ATG5: variants seen among roughly 807,000 people sequenced by gnomAD.
ATG5 encodes the protein autophagy protein 5.
In ATG5, 14 loss-of-function variants were observed where a neutral mutation model predicts 36.5. That is an observed-to-expected ratio of 0.38 (90% confidence interval 0.25 to 0.60). ATG5 has a LOEUF of 0.60. Ranked by LOEUF, ATG5 falls within the 20% of genes least tolerant of loss-of-function variation. The probability of loss-of-function intolerance (pLI) is 0.60; values close to 1 mark genes in which losing one functional copy is unlikely to be tolerated. For synonymous variants in ATG5, 95 were observed against 101.5 expected, an observed-to-expected ratio of 0.94 and a Z score of 0.38; for missense variants, 195 against 326.7, an observed-to-expected ratio of 0.60 and a Z score of 3.11.
At chr6:106,281,479 T>G (rs1779875990) in intron 4 of ATG5, among the ~76,000 whole-genome samples, 1 of 152,214 alleles carries the variant, frequency 6.6e-6, no homozygotes. Context: ...ATTTTTGAGA[T>G]TCATTCCTGT....
chr6:106,201,781 T>C (rs2114356024), intron 7 of ATG5, 191 bp downstream of exon 7: 1 of 361,402 alleles, frequency 2.8e-6, no homozygotes, highest in East Asian at 4.4e-5. Context: ...GCCAGTCGAG[T>C]CATCATTTTG....
chr6:106,294,897 G>T (rs1443445021), intron 3 of ATG5, among the ~76,000 whole-genome samples: 1 of 145,840 alleles, frequency 6.9e-6, no homozygotes, highest in East Asian at 2.0e-4. Flanking sequence ...TAAAAATAAA[G>T]CAGTGGGGGT....
At chr6:106,272,830 G>T (rs1444738382) in intron 5 of ATG5, among the ~76,000 whole-genome samples, 1 of 152,144 alleles carries the variant, frequency 6.6e-6, no homozygotes, top group African/African-American at 2.4e-5. Context: ...AATGAATGTT[G>T]TTTCCAAGAC....
At chr6:106,279,869 CA>C (rs763802441) in intron 4 of ATG5, 46 bp from the exon 5 acceptor site, 1 of 1,225,282 alleles carries the variant, frequency 8.2e-7, no homozygotes, top group East Asian at 2.7e-5. Context: ...ACACACATTA[CA>C]AAATTAACCT....
intron 4 of ATG5, among the ~76,000 whole-genome samples, chr6:106,287,249 C>T (rs1263233329): frequency 6.6e-6 from 1 of 152,160 alleles, no homozygotes; most frequent in Non-Finnish European, 1.5e-5. Flanking sequence ...TTCAAAGAAA[C>T]ACAGTGGCTC....
chr6:106,316,006 T>C, intron 2 of ATG5, 95 bp downstream of exon 2: 1 of 989,238 alleles, frequency 1.0e-6, no homozygotes, highest in Non-Finnish European at 1.5e-6. Flanking sequence ...TAGCTGTATC[T>C]AAAACGTTAC....
intron 5 of ATG5, among the ~76,000 whole-genome samples, chr6:106,276,680 AAT>A (rs1397426810): frequency 8.5e-5 from 13 of 152,190 alleles, no homozygotes; most frequent in Admixed American, 2.6e-4. Flanking sequence ...AGCCATTCAC[AAT>A]AGACTCTAAG....
intron 6 of ATG5, among the ~76,000 whole-genome samples, chr6:106,235,044 G>GA (rs1184586664): frequency 2.6e-5 from 4 of 152,192 alleles, no homozygotes; most frequent in Admixed American, 2.0e-4. Context: ...TTGTCACAGA[G>GA]AAAGTTGAAG....
At chr6:106,214,798 C>T (rs1309464823) in intron 6 of ATG5, among the ~76,000 whole-genome samples, 2 of 152,040 alleles carry the variant, frequency 1.3e-5, no homozygotes, top group East Asian at 3.9e-4. Context: ...CAATTTGATG[C>T]TTGTTATAAG....
intron 4 of ATG5, among the ~76,000 whole-genome samples, chr6:106,290,964 T>C (rs1780283512): frequency 6.6e-6 from 1 of 152,236 alleles, no homozygotes; most frequent in Non-Finnish European, 1.5e-5. Context: ...ACAAATACTA[T>C]CACTTGTTTT....
intron 3 of ATG5, among the ~76,000 whole-genome samples, chr6:106,298,060 G>C (rs1248348270): frequency 6.6e-6 from 1 of 151,370 alleles, no homozygotes; most frequent in Non-Finnish European, 1.5e-5. Flanking sequence ...TGCCTCCCAG[G>C]TTCAAGCGAT....
intron 7 of ATG5, among the ~76,000 whole-genome samples, chr6:106,188,383 T>C (rs1296768597): frequency 1.3e-5 from 2 of 152,166 alleles, no homozygotes; most frequent in East Asian, 3.8e-4. Flanking sequence ...AGTCAAAAAA[T>C]GAAAGAATAG....
intron 6 of ATG5, among the ~76,000 whole-genome samples, chr6:106,228,990 G>A (rs1777557449): frequency 6.6e-6 from 1 of 152,260 alleles, no homozygotes; most frequent in Non-Finnish European, 1.5e-5. Context: ...TCATGTCGCA[G>A]CCAGAAGTCT....
chr6:106,242,225 C>T (rs1778157231), intron 6 of ATG5, among the ~76,000 whole-genome samples: 1 of 152,122 alleles, frequency 6.6e-6, no homozygotes, highest in South Asian at 2.1e-4. Context: ...AGCAAACCGC[C>T]TGCCTCAGCT....
intron 7 of ATG5, among the ~76,000 whole-genome samples, chr6:106,196,516 G>T (rs1307355911): frequency 6.6e-6 from 1 of 152,214 alleles, no homozygotes; most frequent in African/African-American, 2.4e-5. Context: ...TTGAGGCCAG[G>T]AGTTCAAGAC....
At chr6:106,272,623 T>C (rs1261776236) in intron 5 of ATG5, among the ~76,000 whole-genome samples, 2 of 152,328 alleles carry the variant, frequency 1.3e-5, no homozygotes, top group East Asian at 3.9e-4. Context: ...ATCTGTTTAA[T>C]GCCTGGCTCC....
intron 5 of ATG5, among the ~76,000 whole-genome samples, chr6:106,254,112 C>T (rs550893389): frequency 6.6e-6 from 1 of 152,210 alleles, no homozygotes; most frequent in Non-Finnish European, 1.5e-5. Flanking sequence ...ACCAAACTTG[C>T]TCCCATTTCA....
intron 7 of ATG5, chr6:106,201,657 TAATA>T (rs764106345): frequency 2.9e-4 from 47 of 163,040 alleles, no homozygotes; most frequent in South Asian, 1.4e-3. Context: ...TCTTTAAAGT[TAATA>T]AACAAAATGC....
In ATG5 at chr6:106,199,037, TAA is replaced by T. The variant is rs924333900; in HGVS notation, c.691+2933_691+2934del. 2.6e-5 allele frequency among the ~76,000 whole-genome samples: 4 copies of T among 152,054 alleles called. 1 individual carries two copies. Among genetic ancestry groups the T allele is most frequent in the Admixed American group, 2.6e-4 (4 of 15,252 alleles). ...CATTAGCCATTAGAAAAATGAGAATTAAAATCATCATGAGATACCACTAGGAT... is the reference window on the plus strand; with the variant it reads ...CATTAGCCATTAGAAAAATGAGAATTAATCATCATGAGATACCACTAGGAT... On this transcript the variant is annotated intron_variant, in intron 7 of 7. Transcript: ENST00000369076.
Sources: gnomAD v4.1 joint callset for allele counts (sites outside exome capture counted in the v4.1 genomes callset) on GRCh38, gnomAD v4.1.1 for gene constraint, MANE v1.5 for transcripts, NCBI Gene and HGNC (gene_info 2026-07-23, HGNC 2026-07-21) for gene names.